STPG2: variants seen among roughly 807,000 people sequenced by gnomAD.
STPG2 encodes the protein sperm-tail PG-rich repeat-containing protein 2.
A neutral mutation model predicts 54.2 loss-of-function variants in STPG2; 56 were observed. That is an observed-to-expected ratio of 1.03 (90% CI 0.83 to 1.29). STPG2 has a LOEUF of 1.29. STPG2 is among the 50% of genes most tolerant of loss of function. The probability of loss-of-function intolerance (pLI) is 0.00; values close to 1 mark genes in which losing one functional copy is unlikely to be tolerated. For missense variants in STPG2, 596 were observed against 544.9 expected (o/e 1.09, Z -0.93); for synonymous variants, 200 against 181.8 (o/e 1.10, Z -0.81).
chr4:97,511,734 GATA>G (rs752307811), intron 4 of STPG2, among the ~76,000 whole-genome samples: 4 of 151,842 alleles, frequency 2.6e-5, no homozygotes, highest in East Asian at 1.9e-4. Flanking sequence ...ACCATACATA[GATA>G]ATAACAAACA....
chr4:97,508,512 T>TA (rs1043260917), intron 4 of STPG2, among the ~76,000 whole-genome samples: 25 of 152,094 alleles, frequency 1.6e-4, no homozygotes, highest in Non-Finnish European at 2.6e-4. Context: ...TATGTACAGG[T>TA]AAAAAAATCA....
chr4:97,904,393 C>G (rs1352789506), intron 8 of STPG2, among the ~76,000 whole-genome samples: 11 of 152,156 alleles, frequency 7.2e-5, no homozygotes, highest in Admixed American at 5.9e-4. Flanking sequence ...AGCTGAGGGT[C>G]CTGTCTGTTA....
intron 5 of STPG2, among the ~76,000 whole-genome samples, chr4:98,086,096 C>T (rs1439814447): frequency 6.6e-6 from 1 of 151,988 alleles, no homozygotes; most frequent in Non-Finnish European, 1.5e-5. Flanking sequence ...ATTATATGTA[C>T]CATTAATTTA....
intron 5 of STPG2, among the ~76,000 whole-genome samples, chr4:98,088,502 T>G (rs570268496): frequency 6.6e-6 from 1 of 152,172 alleles, no homozygotes; most frequent in South Asian, 2.1e-4. Context: ...AACAAAATAC[T>G]CACTTCAATA....
chr4:97,514,226 G>A (rs1265901321), intron 4 of STPG2, among the ~76,000 whole-genome samples: 1 of 152,080 alleles, frequency 6.6e-6, no homozygotes, highest in Non-Finnish European at 1.5e-5. Flanking sequence ...AAACGTCCCA[G>A]CGTCATGAAT....
intron 4 of STPG2, among the ~76,000 whole-genome samples, chr4:97,515,814 G>A (rs1197381729): frequency 6.6e-6 from 1 of 151,880 alleles, no homozygotes; most frequent in African/African-American, 2.4e-5. Context: ...GTATGTGTGT[G>A]TGTATATATA....
At chr4:98,097,793 T>C (rs1282930377) in intron 5 of STPG2, among the ~76,000 whole-genome samples, 1 of 152,100 alleles carries the variant, frequency 6.6e-6, no homozygotes, top group African/African-American at 2.4e-5. Flanking sequence ...AAAATCAACA[T>C]ATAAAAATCA....
chr4:97,850,201 C>T (rs988734037), intron 8 of STPG2, among the ~76,000 whole-genome samples: 5 of 133,266 alleles, frequency 3.8e-5, no homozygotes, highest in Non-Finnish European at 3.0e-5. Context: ...TATTCTCACT[C>T]ATAGGTGGGA....
At chr4:97,733,348 A>C (rs1724868200) in intron 9 of STPG2, among the ~76,000 whole-genome samples, 1 of 152,092 alleles carries the variant, frequency 6.6e-6, no homozygotes, top group Admixed American at 6.5e-5. Flanking sequence ...GTGGAAAATC[A>C]AAAATCATAT....
chr4:97,548,856 G>A (rs140222730), intron 4 of STPG2, among the ~76,000 whole-genome samples: 2,095 of 152,102 alleles, frequency 0.014, 19 homozygotes, highest in Non-Finnish European at 0.021. Context: ...CTGACATTGC[G>A]CTATACTTAA....
At chr4:97,634,308 A>C (rs984693275) in intron 10 of STPG2, among the ~76,000 whole-genome samples, 1 of 152,112 alleles carries the variant, frequency 6.6e-6, no homozygotes, top group Non-Finnish European at 1.5e-5. Flanking sequence ...AAACTAACAA[A>C]CAGAAAGGAC....
At chr4:97,973,696 C>G (rs909239273) in intron 6 of STPG2, among the ~76,000 whole-genome samples, 1 of 152,174 alleles carries the variant, frequency 6.6e-6, no homozygotes, top group Non-Finnish European at 1.5e-5. Context: ...CGACTTGGTG[C>G]CTTGCATCCC....
chr4:98,124,068 T>C (rs1739762245), intron 3 of STPG2, among the ~76,000 whole-genome samples: 1 of 152,224 alleles, frequency 6.6e-6, no homozygotes, highest in Non-Finnish European at 1.5e-5. Flanking sequence ...TGAGCCTGTG[T>C]GTGTCTTTGC....
At chr4:97,465,037 T>C (rs1244591079) in intron 4 of STPG2, among the ~76,000 whole-genome samples, 1 of 152,166 alleles carries the variant, frequency 6.6e-6, no homozygotes, top group Non-Finnish European at 1.5e-5. Context: ...CTTCTCTCCC[T>C]TGAAGGAAAC....
At chr4:97,944,834 C>T (rs900979676) in intron 7 of STPG2, among the ~76,000 whole-genome samples, 1 of 152,060 alleles carries the variant, frequency 6.6e-6, no homozygotes, top group African/African-American at 2.4e-5. Context: ...CTGCCTCTAC[C>T]CAAAATGCTG....
rs542961901 is a variant in STPG2, at chr4:98,106,019, T to C, written c.546A>G (p.Gln182=). ...YYENVNIKRD[Q]QQNYCSFIPR... The stretch of plus-strand genomic sequence containing the variant: ...GGATAAATGAACAATAATTTTGTTG[T>C]TGATCTCTCTTGATGTTAACATTTT... Residue 182 remains glutamine (Q), a synonymous_variant, in exon 5 of 11, where the codon CAA becomes CAG. Transcript: ENST00000295268. 1 of 1,540,844 alleles carries C rather than the reference T, an allele frequency of 6.5e-7. No individual in the cohort carries two copies. The highest frequency in any genetic ancestry group is 1.1e-5 in the South Asian group (1 of 88,466).
chr4:97,988,026 T>TCA (rs3047311), intron 5 of STPG2, among the ~76,000 whole-genome samples: 16,583 of 141,570 alleles, frequency 0.12, 1,012 homozygotes, highest in East Asian at 0.28. Flanking sequence ...GGTCTGAATG[T>TCA]CACACACACA....
In STPG2 at chr4:97,981,268, T is replaced by C. The variant is rs570339370; in HGVS notation, c.663A>G (p.Glu221=). The C allele has an allele frequency of 1.9e-6, 3 of 1,614,054 alleles. No homozygotes were observed. The South Asian group carries it at 3.3e-5, about 18-fold the overall frequency. ...TCAAAGACTTGAGAGCAGTTCGAGG[T>C]TCATTATATGTGCCAGGAGCCGGGG... The part of the protein sequence containing the change: ...SITPAPGTYN[E]PRTALKSLKK... The change falls in exon 6 of 11, where the codon GAA becomes GAG. Residue 221 remains glutamate (E), a synonymous_variant. Transcript: ENST00000295268.
chr4:98,115,741 A>G (rs1739499410), intron 3 of STPG2, among the ~76,000 whole-genome samples: 1 of 152,028 alleles, frequency 6.6e-6, no homozygotes, highest in Non-Finnish European at 1.5e-5. Context: ...GATTTGAATT[A>G]ACATTATTAC....
Sources: gnomAD v4.1 joint callset for allele counts (sites outside exome capture counted in the v4.1 genomes callset) on GRCh38, gnomAD v4.1.1 for gene constraint, MANE v1.5 for transcripts, NCBI Gene and HGNC (gene_info 2026-07-23, HGNC 2026-07-21) for gene names.